Variants in ACACB observed in about 807,000 individuals in gnomAD.
ACACB encodes the protein acetyl-CoA carboxylase beta, also known as acetyl-CoA carboxylase 2.
Under a neutral mutation model 278.8 loss-of-function variants are expected in ACACB, and 209 were observed. That is an observed-to-expected ratio of 0.75 (90% CI 0.67 to 0.84). ACACB has a LOEUF of 0.84. ACACB is among the 40% of genes least tolerant of loss of function. ACACB has a pLI of 0.00. For synonymous variants in ACACB, 1,174 were observed against 1,285.6 expected, an observed-to-expected ratio of 0.91 and a Z score of 1.86; for missense variants, 2,850 against 3,269.0, an observed-to-expected ratio of 0.87 and a Z score of 3.13.
chr12:109,149,997 T>C (rs2043330633), intron 2 of ACACB, among the ~76,000 whole-genome samples: 1 of 152,218 alleles, frequency 6.6e-6, no homozygotes, highest in African/African-American at 2.4e-5. Context: ...TTTCTGTGCC[T>C]CAGTTTCCTC....
At chr12:109,244,718 G>A (rs912769590) in intron 37 of ACACB, among the ~76,000 whole-genome samples, 2 of 151,850 alleles carry the variant, frequency 1.3e-5, no homozygotes, top group African/African-American at 2.4e-5. Flanking sequence ...TCAGCCTCCC[G>A]AAGTGTTTGG....
At chr12:109,170,886 G>A (rs1293451279) in intron 4 of ACACB, among the ~76,000 whole-genome samples, 1 of 151,920 alleles carries the variant, frequency 6.6e-6, no homozygotes, top group African/African-American at 2.4e-5. Flanking sequence ...ACCCAGGCTG[G>A]AGCGCAGTGA....
At chr12:109,145,796 T>TCACAAGCG in intron 2 of ACACB, among the ~76,000 whole-genome samples, 1 of 151,460 alleles carries the variant, frequency 6.6e-6, no homozygotes, top group Admixed American at 6.6e-5. Flanking sequence ...GTCAGGAGTT[T>TCACAAGCG]GAGACCAGCC....
chr12:109,222,542 C>T lies in ACACB; in HGVS notation c.3600C>T (p.Asp1200=), dbSNP rs141237953. 2.0e-5 allele frequency: 32 copies of T among 1,614,182 alleles called. No individual in the cohort carries two copies. The African/African-American group carries it at 2.8e-4, about 14-fold the overall frequency. Residue 1200 remains aspartate (D), a synonymous_variant, in exon 25 of 53, where the codon GAC becomes GAT. Transcript: ENST00000338432. ...GTGGCCCAGACCCTTCCCTGTCGGA[C>T]GAGCTGATCTCCATCCTCAACGAGC... ...ELCGPDPSLS[D]ELISILNELT...
rs2044635743 is a variant in ACACB, at chr12:109,185,736, A to G, written c.1976A>G (p.Asp659Gly). 6.2e-7 allele frequency: 1 copy of G among 1,608,966 alleles called. No individual in the cohort carries two copies. Among genetic ancestry groups the G allele is most frequent in the Non-Finnish European group, 8.5e-7 (1 of 1,176,500 alleles). The part of the protein sequence containing the change: ...IAARITSENP[D>G]EGFKPSSGTV... ...GCCAGAATCACCAGCGAAAACCCAG[A>G]CGAGGCAAGTTATGGGGGCCCCTGT... The change falls in exon 12 of 53, where the codon GAC (aspartate) becomes GGC (glycine). Residue 659 changes from aspartate to glycine, a missense_variant. Transcript: ENST00000338432.
rs578191713 is a variant in ACACB, at chr12:109,118,775, T to A, written c.-10+2071T>A. 1.3e-4 allele frequency among the ~76,000 whole-genome samples: 20 copies of A among 152,276 alleles called. No homozygotes were observed. In the South Asian group the frequency reaches 4.1e-3, roughly 32 times the overall value. ...GATTCAGTGACTTGTTACTTCAAAG[T>A]AGAGTTCACCTGTACCCAGGGAAAC... On this transcript the variant is annotated intron_variant, in intron 1 of 52. Transcript: ENST00000338432.
At chr12:109,168,297 G>A (rs912743961) in intron 4 of ACACB, among the ~76,000 whole-genome samples, 2 of 152,172 alleles carry the variant, frequency 1.3e-5, no homozygotes, top group East Asian at 3.8e-4. Flanking sequence ...TAGCAGATTG[G>A]GGGCTGTTTC....
At chr12:109,224,828 A>G (rs1474653572) in intron 27 of ACACB, among the ~76,000 whole-genome samples, 1 of 117,522 alleles carries the variant, frequency 8.5e-6, no homozygotes, top group Non-Finnish European at 1.7e-5. Context: ...TTTTTAAGAA[A>G]ATATGTTTTT....
At chr12:109,215,191 C>T (rs990627584) in intron 22 of ACACB, among the ~76,000 whole-genome samples, 6 of 151,356 alleles carry the variant, frequency 4.0e-5, no homozygotes, top group Admixed American at 2.6e-4. Context: ...GTCTCTATAC[C>T]TTGGGTAAGT....
At chr12:109,208,900 C>A (rs1038575419) in intron 20 of ACACB, among the ~76,000 whole-genome samples, 5 of 152,142 alleles carry the variant, frequency 3.3e-5, no homozygotes, top group African/African-American at 1.2e-4. Context: ...ATCATGTGAC[C>A]TTATGTTTGA....
At chr12:109,142,027 C>T (rs542402184) in intron 2 of ACACB, among the ~76,000 whole-genome samples, 6 of 152,102 alleles carry the variant, frequency 3.9e-5, no homozygotes, top group African/African-American at 9.6e-5. Context: ...GCAGGAGGAT[C>T]GCTTGAGGCC....
intron 21 of ACACB, 84 bp from the exon 22 acceptor site, chr12:109,212,752 C>A: frequency 8.6e-7 from 1 of 1,156,660 alleles, no homozygotes; most frequent in Non-Finnish European, 1.3e-6. Flanking sequence ...CGTTTGGGTA[C>A]TGGTTTGGGG....
In ACACB at chr12:109,264,317, C is replaced by G; in HGVS notation, c.6873C>G (p.His2291Gln). 6.2e-7 allele frequency: 1 copy of G among 1,614,164 alleles called. No homozygotes were observed. The highest frequency in any genetic ancestry group is 8.5e-7 in the Non-Finnish European group (1 of 1,180,032). ...AREDLLLPIY[H>Q]QVAVQFADFH... ...AGGACCTGCTGCTCCCCATCTACCA[C>G]CAGGTGGCGGTGCAGTTCGCCGACT... Residue 2291 changes from histidine to glutamine, a missense_variant, in exon 50 of 53, where the codon CAC becomes CAG. Physicochemically the swap from His to Gln is conservative, Grantham distance 24. This residue lies in a region of ACACB where 579 missense variants were observed against 684.6 expected (regional missense o/e 0.85). Transcript: ENST00000338432.
At chr12:109,217,957 A>T (rs927229284) in intron 24 of ACACB, among the ~76,000 whole-genome samples, 3 of 152,242 alleles carry the variant, frequency 2.0e-5, no homozygotes, top group Non-Finnish European at 4.4e-5. Context: ...TAATTCACGC[A>T]GCAGTCCTAG....
intron 31 of ACACB, 45 bp downstream of exon 31, chr12:109,234,090 G>T: frequency 6.7e-7 from 1 of 1,501,852 alleles, no homozygotes; most frequent in Admixed American, 1.9e-5. Context: ...TCTTGGAGAA[G>T]GAGGAGGGGC....
At chr12:109,249,796 A>G (rs996639746) in intron 40 of ACACB, 188 bp from the exon 41 acceptor site, 6 of 572,102 alleles carry the variant, frequency 1.0e-5, no homozygotes, top group Non-Finnish European at 1.7e-5. Flanking sequence ...TTGATGCTGC[A>G]CTTGCCCTTT....
At chr12:109,140,148 G>A (rs1244372146) in intron 2 of ACACB, 90 bp downstream of exon 2, 8 of 1,352,936 alleles carry the variant, frequency 5.9e-6, no homozygotes, top group East Asian at 4.9e-5. Flanking sequence ...TGATCAAGCT[G>A]TTTGCTGATG....
chr12:109,244,308 C>T (rs1012902990), intron 37 of ACACB, among the ~76,000 whole-genome samples: 3 of 152,136 alleles, frequency 2.0e-5, no homozygotes, highest in Non-Finnish European at 4.4e-5. Context: ...GGCCTCAGCT[C>T]GAATGCTGGA....
rs764328291 is a variant in ACACB at position 109,206,855 on chromosome 12, A to C, written c.3059A>C (p.Lys1020Thr). The change falls in exon 20 of 53, where the codon AAG becomes ACG. Residue 1020 changes from lysine (K) to threonine (T), a missense_variant and splice_region_variant. By Grantham distance (78) the Lys-to-Thr change is moderately conservative. Around this residue, in one of 3 missense-constraint regions of ACACB, gnomAD observed 2,265 missense variants for 2,561.3 expected, o/e 0.88. Coordinates refer to ENST00000338432, the MANE Select transcript of ACACB (RefSeq NM_001093.4). ...FCLPEPVFSI[K>T]LKEWVQKLMM... is the part of the protein sequence containing the mutation. ...CTGCCAGAGCCCGTTTTTAGCATAA[A>C]GGTAAAGTCACCTATGAGCGCAGGC... The C allele has an allele frequency of 2.5e-6, 4 of 1,614,220 alleles. No individual in the cohort carries two copies. Among genetic ancestry groups the C allele is most frequent in the Non-Finnish European group, 1.7e-6 (2 of 1,180,040 alleles).
Sources: gnomAD v4.1 joint callset for allele counts (sites outside exome capture counted in the v4.1 genomes callset) on GRCh38, gnomAD v4.1.1 for gene constraint, gnomAD v4.1.1 regional missense constraint, MANE v1.5 for transcripts, NCBI Gene and HGNC (gene_info 2026-07-23, HGNC 2026-07-21) for gene names.